MAPKAP1: variants seen among roughly 807,000 people sequenced by gnomAD.
MAPKAP1 encodes MAPK associated protein 1.
In MAPKAP1, 20 loss-of-function variants were observed where a neutral mutation model predicts 65.7. The observed-to-expected ratio is 0.30, with a 90% CI of 0.21 to 0.44. The LOEUF is 0.44. Ranked by LOEUF, MAPKAP1 falls within the 20% of genes least tolerant of loss-of-function variation. The pLI is 1.00. For synonymous variants in MAPKAP1, 222 were observed against 244.3 expected (o/e 0.91, Z 0.85); for missense variants, 423 against 648.0 (o/e 0.65, Z 3.77).
In MAPKAP1 at chr9:125,657,690, C is replaced by T; in HGVS notation, c.459G>A (p.Leu153=). ...SVRLEQCPLQ[L]NNPFNEYSKF... is the part of the protein sequence containing the mutation. ...TGGAATACTCGTTAAAAGGGTTATT[C>T]AGCTGCAGAGGGCACTGTTCTAGGC... Residue 153 remains leucine, a synonymous_variant, in exon 4 of 12, where the codon CTG becomes CTA. Transcript: ENST00000265960. 6.2e-7 allele frequency: 1 copy of T among 1,613,092 alleles called. No individual in the cohort carries two copies.
intron 5 of MAPKAP1, among the ~76,000 whole-genome samples, chr9:125,568,336 G>A: frequency 6.6e-6 from 1 of 152,266 alleles, no homozygotes; most frequent in East Asian, 1.9e-4. Context: ...ACTGGATCGT[G>A]GGATATGAGG....
chr9:125,535,171 CTA>C (rs61236654), intron 7 of MAPKAP1, among the ~76,000 whole-genome samples: 4,158 of 152,308 alleles, frequency 0.027, 193 homozygotes, highest in African/African-American at 0.095. Context: ...TTTGGAACTT[CTA>C]TGTTTTGTGA....
chr9:125,502,063 C>T (rs907607838), intron 8 of MAPKAP1, among the ~76,000 whole-genome samples: 4 of 150,822 alleles, frequency 2.7e-5, no homozygotes, highest in Non-Finnish European at 5.9e-5. Context: ...ATTTCTTGAG[C>T]TGAATGCTTA....
chr9:125,542,773 T>A (rs1830290071), intron 7 of MAPKAP1, among the ~76,000 whole-genome samples: 1 of 152,260 alleles, frequency 6.6e-6, no homozygotes, highest in Non-Finnish European at 1.5e-5. Flanking sequence ...TTATATCAAC[T>A]GATCATCAGC....
At chr9:125,585,446 AG>A in intron 5 of MAPKAP1, 108 bp downstream of exon 5, 1 of 1,179,392 alleles carries the variant, frequency 8.5e-7, no homozygotes, top group Non-Finnish European at 1.2e-6. Flanking sequence ...GGATCAGTGC[AG>A]AAGTGTGGTT....
At chr9:125,607,442 A>C (rs1269101407) in intron 4 of MAPKAP1, among the ~76,000 whole-genome samples, 2 of 152,230 alleles carry the variant, frequency 1.3e-5, no homozygotes, top group Non-Finnish European at 2.9e-5. Flanking sequence ...TAGCTTATGT[A>C]ATCTCAAACA....
chr9:125,623,037 A>C (rs910927188), intron 4 of MAPKAP1, among the ~76,000 whole-genome samples: 21 of 151,454 alleles, frequency 1.4e-4, no homozygotes, highest in Middle Eastern at 6.8e-3. Flanking sequence ...ACCGCGAGTG[A>C]TCCGCCAACC....
At chr9:125,580,979 T>C (rs1055649317) in intron 5 of MAPKAP1, among the ~76,000 whole-genome samples, 1 of 152,254 alleles carries the variant, frequency 6.6e-6, no homozygotes, top group Non-Finnish European at 1.5e-5. Flanking sequence ...ATGAAACTTT[T>C]AGAGATTGGT....
At chr9:125,612,632 G>T (rs1832635128) in intron 4 of MAPKAP1, among the ~76,000 whole-genome samples, 1 of 152,126 alleles carries the variant, frequency 6.6e-6, no homozygotes, top group African/African-American at 2.4e-5. Context: ...TTATGTGAAT[G>T]AACTTATGTT....
At chr9:125,644,853 A>T (rs1366627553) in intron 4 of MAPKAP1, among the ~76,000 whole-genome samples, 1 of 152,198 alleles carries the variant, frequency 6.6e-6, no homozygotes, top group African/African-American at 2.4e-5. Context: ...GTTCTACATA[A>T]CTGCATTTAA....
chr9:125,707,060 C>A lies in MAPKAP1; in HGVS notation c.-159G>T, dbSNP rs1456408528. The A allele has an allele frequency of 7.5e-6, 3 of 397,992 alleles. No homozygotes were observed. Among genetic ancestry groups the A allele is most frequent in the Non-Finnish European group, 1.3e-5 (3 of 225,802 alleles). 24.7% of individuals were successfully genotyped at this position (397,992 alleles called of 1,614,324 possible). A position where few individuals can be genotyped will look rare whatever the true frequency, so the allele number is the denominator to read the frequency against. On this transcript the variant is annotated 5_prime_UTR_variant, in exon 1 of 12. Transcript: ENST00000265960. ...GCTCCCCCACGCCTCCCGGCCCCTG[C>A]CCCGAGCTCTGCACTCTCGGGATCC...
chr9:125,443,321 ACT>A (rs1462592027), intron 11 of MAPKAP1, among the ~76,000 whole-genome samples: 1 of 152,208 alleles, frequency 6.6e-6, no homozygotes, highest in African/African-American at 2.4e-5. Context: ...AGGTGGGGAC[ACT>A]GAGTCCCAGA....
At chr9:125,666,993 G>C (rs1208918617) in intron 3 of MAPKAP1, among the ~76,000 whole-genome samples, 2 of 152,182 alleles carry the variant, frequency 1.3e-5, no homozygotes, top group Non-Finnish European at 2.9e-5. Context: ...ACATTGAAGA[G>C]CTTCTCCAGA....
intron 4 of MAPKAP1, among the ~76,000 whole-genome samples, chr9:125,634,159 C>T (rs1164603152): frequency 1.3e-5 from 2 of 152,162 alleles, no homozygotes; most frequent in East Asian, 1.9e-4. Context: ...CAGGGGGGCT[C>T]CTTCATTTTT....
At chr9:125,445,826 T>C (rs1852692570) in intron 10 of MAPKAP1, among the ~76,000 whole-genome samples, 1 of 152,224 alleles carries the variant, frequency 6.6e-6, no homozygotes, top group South Asian at 2.1e-4. Flanking sequence ...CTTAAGCTAC[T>C]GAAGTTGGTT....
intron 4 of MAPKAP1, chr9:125,596,659 A>AG: frequency 1.7e-6 from 1 of 599,520 alleles, no homozygotes; most frequent in Non-Finnish European, 3.2e-6. Flanking sequence ...TTAACAGGAG[A>AG]GGAGAGCCAG....
Position 125,595,984 on chromosome 9 carries a change from T to C in MAPKAP1, c.499-10257A>G. ...GGTGCCCACTTAACTGTGAAAAAGA[T>C]ATTTGTTGGTGGCATTAAAGAAGAC... On this transcript the variant is annotated intron_variant, in intron 4 of 11. Transcript: ENST00000265960. This position sits in a 1 kb window ranked among gnomAD's most constrained non-coding sequence, Gnocchi z 4.0. 6.6e-7 allele frequency: 1 copy of C among 1,523,312 alleles called. No homozygotes were observed. Among genetic ancestry groups the C allele is most frequent in the Non-Finnish European group, 9.0e-7 (1 of 1,113,198 alleles). 94.4% of individuals were successfully genotyped at this position (1,523,312 alleles called of 1,614,324 possible). A position where few individuals can be genotyped will look rare whatever the true frequency, so the allele number is the denominator to read the frequency against.
intron 7 of MAPKAP1, among the ~76,000 whole-genome samples, chr9:125,517,981 C>G (rs1416214829): frequency 6.6e-6 from 1 of 152,212 alleles, no homozygotes; most frequent in Non-Finnish European, 1.5e-5. Context: ...AAACTCAACT[C>G]TGTCTTCCCA....
chr9:125,582,261 A>G (rs1831647204), intron 5 of MAPKAP1, among the ~76,000 whole-genome samples: 1 of 152,250 alleles, frequency 6.6e-6, no homozygotes, highest in African/African-American at 2.4e-5. Flanking sequence ...GAAGTGAAAC[A>G]TGAATGTTAT....
Sources: allele counts gnomAD v4.1 joint callset (sites outside exome capture counted in the v4.1 genomes callset), GRCh38; gene constraint gnomAD v4.1.1; non-coding constraint Gnocchi (gnomAD v3.1); transcripts MANE v1.5; gene names NCBI Gene and HGNC (gene_info 2026-07-23, HGNC 2026-07-21).